PARP8: variants seen among roughly 807,000 people sequenced by gnomAD.
PARP8 encodes poly(ADP-ribose) polymerase family member 8.
PARP8 carries 51 observed loss-of-function variants against 124.1 expected under a neutral mutation model. The observed-to-expected ratio is 0.41, with a 90% CI of 0.33 to 0.52. The LOEUF (loss-of-function observed/expected upper bound fraction) is 0.52. Ranked by LOEUF, PARP8 falls within the 20% of genes least tolerant of loss-of-function variation. PARP8 has a pLI of 0.21. For synonymous variants in PARP8, 391 were observed against 361.5 expected, an observed-to-expected ratio of 1.08 and a Z score of -0.93; for missense variants, 860 against 1,018.9, an observed-to-expected ratio of 0.84 and a Z score of 2.12.
chr5:50,738,639 G>T (rs1050738939), intron 2 of PARP8, among the ~76,000 whole-genome samples: 10 of 151,202 alleles, frequency 6.6e-5, no homozygotes, highest in Non-Finnish European at 1.3e-4. Context: ...TAATCTTTTG[G>T]CTTCCCTGGG....
At chr5:50,705,646 G>A (rs1197557020) in intron 2 of PARP8, among the ~76,000 whole-genome samples, 5 of 151,998 alleles carry the variant, frequency 3.3e-5, no homozygotes, top group Admixed American at 2.0e-4. Flanking sequence ...TTAGCTGGGC[G>A]TGATGGCGTG....
intron 2 of PARP8, among the ~76,000 whole-genome samples, chr5:50,714,617 G>A (rs545658491): frequency 1.3e-5 from 2 of 152,234 alleles, no homozygotes; most frequent in Non-Finnish European, 1.5e-5. Flanking sequence ...CACAAAGGAA[G>A]GAATGTGTTC....
Position 50,815,451 on chromosome 5 carries a change from A to G in PARP8, c.1595A>G (p.Glu532Gly). 1 of 1,595,484 alleles carries G rather than the reference A, an allele frequency of 6.3e-7. No homozygotes were observed. Among genetic ancestry groups the G allele is most frequent in the Non-Finnish European group, 8.5e-7 (1 of 1,172,250 alleles). ...PMLRPTVCER[E>G]LCVFAFQTLG... ...TTGTAGCCTACCGTATGTGAACGGG[A>G]GCTGTGTGTGTTTGCTTTTCAAACC... Residue 532 changes from glutamate to glycine, a missense_variant, in exon 15 of 26, where the codon GAG (glutamate) becomes GGG (glycine). Physicochemically the swap from Glu to Gly is moderately conservative, Grantham distance 98. Coordinates refer to ENST00000281631, the MANE Select transcript of PARP8 (RefSeq NM_024615.4).
chr5:50,721,432 T>C (rs1356167924), intron 2 of PARP8, among the ~76,000 whole-genome samples: 1 of 151,840 alleles, frequency 6.6e-6, no homozygotes. Flanking sequence ...CCTTCTGTTG[T>C]AGTCCATGTA....
intron 14 of PARP8, among the ~76,000 whole-genome samples, chr5:50,811,552 C>T (rs1485878910): frequency 6.6e-6 from 1 of 151,438 alleles, no homozygotes; most frequent in African/African-American, 2.4e-5. Flanking sequence ...AAATTTCAAT[C>T]TCGCGTAGTA....
At position 50,824,951 on chromosome 5, in the gene PARP8, C is replaced by T. The variant is rs1184417382; in HGVS notation, c.1904C>T (p.Pro635Leu). ...AAGAAGCAAATGGATAAACAGGACC[C>T]CCTTGCTCATCCCTTACTGCAATGG... ...EIKKQMDKQDPLAHPLLQWVI... is the reference protein window; with the variant it reads ...EIKKQMDKQDLLAHPLLQWVI... The change falls in exon 18 of 26, where the codon CCC becomes CTC. Residue 635 changes from proline to leucine, a missense_variant. Physicochemically the swap from Pro to Leu is moderately conservative, Grantham distance 98. Transcript: ENST00000281631. 1 of 1,612,944 alleles carries T rather than the reference C, an allele frequency of 6.2e-7. No homozygotes were observed. The highest frequency in any genetic ancestry group is 8.5e-7 in the Non-Finnish European group (1 of 1,179,204).
intron 23 of PARP8, chr5:50,833,353 ACT>A (rs2149720695): frequency 1.1e-5 from 5 of 437,142 alleles, no homozygotes; most frequent in East Asian, 7.0e-5. Context: ...GAGCCATGTG[ACT>A]CTCTAGGAGA....
chr5:50,747,761 CTTTTTTTTTTTTTTTTTT>C (rs70972943), intron 2 of PARP8, among the ~76,000 whole-genome samples: 1,050 of 52,956 alleles, frequency 0.02, 26 homozygotes, highest in African/African-American at 0.053. Context: ...ATAGACCTTG[CTTTTTTTTTTTTTTTTTT>C]TTTTTTTTTT....
chr5:50,792,130 A>AT (rs1248569528), intron 10 of PARP8, among the ~76,000 whole-genome samples: 3 of 152,110 alleles, frequency 2.0e-5, no homozygotes, highest in Non-Finnish European at 2.9e-5. Flanking sequence ...TTACCTTGAA[A>AT]TTTTTTTCTT....
At chr5:50,764,361 A>G (rs1018932914) in intron 7 of PARP8, among the ~76,000 whole-genome samples, 4 of 152,236 alleles carry the variant, frequency 2.6e-5, no homozygotes, top group Non-Finnish European at 4.4e-5. Flanking sequence ...CAGTGGCACC[A>G]TCTGAAAAAA....
In PARP8 at chr5:50,842,275, GTA is replaced by G. The variant is rs1323617162; in HGVS notation, c.*208_*209del. The G allele has an allele frequency of 2.7e-6, 1 of 370,570 alleles. No individual in the cohort carries two copies. The allele number at this position is 370,570 out of a possible 1,614,324, so 23.0% of individuals were successfully genotyped here. ...ATCAATTGTAGGGTTATGGAATCTA[GTA>G]ATAAAATTTCAACAGCACTTAAACT... On this transcript the variant is annotated 3_prime_UTR_variant, in exon 26 of 26. Transcript: ENST00000281631.
At chr5:50,695,491 T>A (rs1752928399) in intron 2 of PARP8, among the ~76,000 whole-genome samples, 1 of 152,228 alleles carries the variant, frequency 6.6e-6, no homozygotes, top group Non-Finnish European at 1.5e-5. Context: ...AAAGCCGTAA[T>A]TTGTACTAAT....
intron 15 of PARP8, 83 bp from the exon 16 acceptor site, chr5:50,821,130 A>G: frequency 6.6e-7 from 1 of 1,508,714 alleles, no homozygotes. Flanking sequence ...TCATTAACTT[A>G]TGCTACCTTG....
At chr5:50,825,663 A>G (rs1237118867) in intron 18 of PARP8, among the ~76,000 whole-genome samples, 1 of 152,180 alleles carries the variant, frequency 6.6e-6, no homozygotes, top group Non-Finnish European at 1.5e-5. Context: ...CATCCCTTAT[A>G]AGGGTTTTAT....
At chr5:50,705,666 T>G (rs1255690562) in intron 2 of PARP8, among the ~76,000 whole-genome samples, 1 of 151,936 alleles carries the variant, frequency 6.6e-6, no homozygotes, top group African/African-American at 2.4e-5. Context: ...GCGCCTGTAA[T>G]CCCAGCTACT....
intron 14 of PARP8, among the ~76,000 whole-genome samples, 179 bp from the exon 15 acceptor site, chr5:50,815,253 A>C (rs1043917758): frequency 6.6e-6 from 1 of 152,048 alleles, no homozygotes; most frequent in African/African-American, 2.4e-5. Flanking sequence ...TTAGTAAATG[A>C]CTCTTTACTA....
chr5:50,784,930 A>T (rs752933435), intron 9 of PARP8, among the ~76,000 whole-genome samples: 1 of 152,054 alleles, frequency 6.6e-6, no homozygotes, highest in Non-Finnish European at 1.5e-5. Flanking sequence ...AATGAACTTA[A>T]AAAGTTTTAA....
In PARP8 at chr5:50,795,370, C is replaced by T. The variant is rs147176406; in HGVS notation, c.1381C>T (p.Leu461Phe). The T allele has an allele frequency of 3.0e-5, 49 of 1,612,630 alleles. 1 individual carries two copies. The African/African-American group carries it at 5.6e-4, about 18-fold the overall frequency. ...CAGGAGGCTCTCTCTTACCTCAGGGCTTATTGGTATCCTAACACCATCTTC... is the reference window on the plus strand; with the variant it reads ...CAGGAGGCTCTCTCTTACCTCAGGGTTTATTGGTATCCTAACACCATCTTC... ...EGRRLSLTSG[L>F]IGILTPSSSS... Residue 461 changes from leucine (L) to phenylalanine (F), a missense_variant, in exon 12 of 26, where the codon CTT (leucine) becomes TTT (phenylalanine). Leu to Phe is a conservative substitution (Grantham distance 22). Coordinates refer to ENST00000281631, the MANE Select transcript of PARP8 (RefSeq NM_024615.4).
chr5:50,695,175 A>G (rs1752895819), intron 2 of PARP8, among the ~76,000 whole-genome samples: 2 of 152,198 alleles, frequency 1.3e-5, no homozygotes, highest in Non-Finnish European at 1.5e-5. Flanking sequence ...AATATTAACC[A>G]TCATACTGGC....
Sources: gnomAD v4.1 joint callset for allele counts (sites outside exome capture counted in the v4.1 genomes callset) on GRCh38, gnomAD v4.1.1 for gene constraint, MANE v1.5 for transcripts, NCBI Gene and HGNC (gene_info 2026-07-23, HGNC 2026-07-21) for gene names.